The following ABCA13 variants were observed in gnomAD, a reference collection of about 807,000 sequenced individuals.
The protein encoded by ABCA13 is ATP binding cassette subfamily A member 13, also known as ATP-binding cassette sub-family A member 13.
A neutral mutation model predicts 478.7 loss-of-function variants in ABCA13; 476 were observed. The ratio of observed to expected loss-of-function variants is 0.99; its 90% CI spans 0.92 to 1.07. ABCA13 has a LOEUF of 1.07. Ranked by LOEUF, ABCA13 falls within the 50% of genes least tolerant of loss-of-function variation. The pLI is 0.00. For synonymous variants in ABCA13, 2,252 were observed against 2,158.9 expected (o/e 1.04, Z -1.20); for missense variants, 6,060 against 5,910.6 (o/e 1.03, Z -0.83).
intron 13 of ABCA13, among the ~76,000 whole-genome samples, chr7:48,248,025 A>G (rs1791962129): frequency 6.6e-6 from 1 of 152,192 alleles, no homozygotes; most frequent in Non-Finnish European, 1.5e-5. Context: ...TTATTATTGG[A>G]TTAAGTTTTA....
At chr7:48,511,631 A>G (rs940982950) in intron 51 of ABCA13, among the ~76,000 whole-genome samples, 5 of 152,114 alleles carry the variant, frequency 3.3e-5, no homozygotes, top group Non-Finnish European at 4.4e-5. Context: ...TCTAATTTCT[A>G]TCACTTTTTT....
At chr7:48,623,019 G>T (rs1023702920) in intron 59 of ABCA13, among the ~76,000 whole-genome samples, 3 of 152,154 alleles carry the variant, frequency 2.0e-5, no homozygotes, top group East Asian at 1.9e-4. Context: ...TGGTGGAGCT[G>T]CCTTTCAACT....
At chr7:48,459,972 C>G (rs891297502) in intron 43 of ABCA13, among the ~76,000 whole-genome samples, 1 of 152,096 alleles carries the variant, frequency 6.6e-6, no homozygotes, top group African/African-American at 2.4e-5. Flanking sequence ...GTGAGCCCTC[C>G]TTGAACATGG....
At chr7:48,402,215 G>T (rs1014077987) in intron 38 of ABCA13, among the ~76,000 whole-genome samples, 1 of 152,106 alleles carries the variant, frequency 6.6e-6, no homozygotes, top group South Asian at 2.1e-4. Context: ...AGAAGGAGGG[G>T]TTTGGGGTTG....
intron 10 of ABCA13, among the ~76,000 whole-genome samples, chr7:48,244,106 G>T (rs1791305495): frequency 6.6e-6 from 1 of 152,194 alleles, no homozygotes; most frequent in African/African-American, 2.4e-5. Context: ...CTGCCTGGGT[G>T]GTCGTTCTTC....
chr7:48,587,496 T>A lies in ABCA13; in HGVS notation c.14640+208T>A, dbSNP rs79762215. On this transcript the variant is annotated intron_variant, in intron 57 of 61. Transcript: ENST00000435803. Reference sequence around the variant, plus strand: ...ACATTTATTTTTTGCTAGATTCACTTATATTTGTCAAGCTGAAAATTCTAT... The same window carrying A: ...ACATTTATTTTTTGCTAGATTCACTAATATTTGTCAAGCTGAAAATTCTAT... Among the ~76,000 whole-genome samples the A allele has an allele frequency of 7.5e-3, 1,137 of 152,320 alleles. 12 individuals are homozygous for A. Among genetic ancestry groups the A allele is most frequent in the African/African-American group, 0.026 (1,084 of 41,568 alleles).
chr7:48,553,315 T>C (rs1414366264), intron 55 of ABCA13, among the ~76,000 whole-genome samples: 1 of 152,072 alleles, frequency 6.6e-6, no homozygotes, highest in African/African-American at 2.4e-5. Flanking sequence ...TTCCTTTCTT[T>C]TGGGTATATA....
intron 47 of ABCA13, 147 bp downstream of exon 47, chr7:48,483,310 A>C: frequency 1.5e-6 from 1 of 687,164 alleles, no homozygotes; most frequent in Non-Finnish European, 2.3e-6. Flanking sequence ...ATATGTAAAC[A>C]TTGTCTTGAA....
chr7:48,483,242 A>C (rs1828955255), intron 47 of ABCA13, 79 bp downstream of exon 47: 2 of 1,235,484 alleles, frequency 1.6e-6, no homozygotes, highest in South Asian at 2.7e-5. Flanking sequence ...TTTTGAGCAC[A>C]GGGTTCAGAA....
chr7:48,220,947 T>A (rs2128966683), intron 4 of ABCA13, among the ~76,000 whole-genome samples: 1 of 152,264 alleles, frequency 6.6e-6, no homozygotes, highest in South Asian at 2.1e-4. Flanking sequence ...TTTAAAAAAA[T>A]TTTCATTTAT....
chr7:48,258,222 C>T (rs1048450734), intron 15 of ABCA13, among the ~76,000 whole-genome samples: 1 of 152,086 alleles, frequency 6.6e-6, no homozygotes, highest in Non-Finnish European at 1.5e-5. Flanking sequence ...CTATGCCTGA[C>T]CTTTTTGGTA....
intron 35 of ABCA13, among the ~76,000 whole-genome samples, chr7:48,383,289 T>A (rs1465844422): frequency 6.6e-6 from 1 of 152,236 alleles, no homozygotes; most frequent in Non-Finnish European, 1.5e-5. Flanking sequence ...TACATGTACA[T>A]GTGTGCATGT....
chr7:48,528,447 C>A (rs1316349), intron 55 of ABCA13, 102 bp downstream of exon 55: 81,580 of 790,096 alleles, frequency 0.1, 5,349 homozygotes, highest in African/African-American at 0.23. Flanking sequence ...TTGAAAACAT[C>A]ATTTTCCTCC....
intron 15 of ABCA13, among the ~76,000 whole-genome samples, chr7:48,252,519 T>C (rs1368551175): frequency 6.6e-6 from 1 of 152,198 alleles, no homozygotes; most frequent in African/African-American, 2.4e-5. Context: ...GTTATTCTAC[T>C]GAATACTGTA....
At chr7:48,471,500 A>T (rs1444937063) in intron 44 of ABCA13, 30 bp from the exon 45 acceptor site, 1 of 1,531,170 alleles carries the variant, frequency 6.5e-7, no homozygotes, top group South Asian at 1.2e-5. Context: ...AATCTAAAAG[A>T]TCATTCCAAT....
At chr7:48,580,185 G>A (rs1788576181) in intron 55 of ABCA13, 39 bp from the exon 56 acceptor site, 5 of 1,541,542 alleles carry the variant, frequency 3.2e-6, no homozygotes, top group Non-Finnish European at 4.4e-6. Context: ...GCCAGTTTGG[G>A]AAACTGCTGT....
chr7:48,571,331 G>A (rs900676897), intron 55 of ABCA13, among the ~76,000 whole-genome samples: 2 of 152,022 alleles, frequency 1.3e-5, no homozygotes, highest in African/African-American at 4.8e-5. Context: ...TTTCATTTCA[G>A]CTTAAAGACT....
chr7:48,299,079 G>C (rs1799791738), intron 23 of ABCA13, among the ~76,000 whole-genome samples: 2 of 152,200 alleles, frequency 1.3e-5, no homozygotes, highest in Non-Finnish European at 1.5e-5. Context: ...TGGTTTCTCT[G>C]TGGAAAAGGG....
At chr7:48,443,730 A>C (rs1370172392) in intron 42 of ABCA13, among the ~76,000 whole-genome samples, 1 of 152,042 alleles carries the variant, frequency 6.6e-6, no homozygotes, top group Non-Finnish European at 1.5e-5. Flanking sequence ...TGCCAAGTCA[A>C]TTTCAAATGT....
Sources: allele counts gnomAD v4.1 joint callset (sites outside exome capture counted in the v4.1 genomes callset), GRCh38; gene constraint gnomAD v4.1.1; transcripts MANE v1.5; gene names NCBI Gene and HGNC (gene_info 2026-07-23, HGNC 2026-07-21).